The following ADAMTS12 variants were observed in gnomAD, a reference collection of about 807,000 sequenced individuals.
ADAMTS12 encodes ADAM metallopeptidase with thrombospondin type 1 motif 12, also known as A disintegrin and metalloproteinase with thrombospondin motifs 12.
Under a neutral mutation model 167.8 loss-of-function variants are expected in ADAMTS12, and 118 were observed. The observed-to-expected ratio is 0.70, with a 90% CI of 0.61 to 0.82. ADAMTS12 has a LOEUF of 0.82. Among genes scored for constraint, ADAMTS12 ranks in the 40% least tolerant of loss-of-function variants. The pLI is 0.00. For missense variants in ADAMTS12, 1,916 were observed against 1,998.8 expected, an observed-to-expected ratio of 0.96 and a Z score of 0.79; for synonymous variants, 704 against 716.9, an observed-to-expected ratio of 0.98 and a Z score of 0.29.
intron 2 of ADAMTS12, among the ~76,000 whole-genome samples, chr5:33,861,655 A>G (rs1749619737): frequency 6.6e-6 from 1 of 152,236 alleles, no homozygotes; most frequent in Admixed American, 6.5e-5. Flanking sequence ...CAGGACTTGA[A>G]CTCAGCTCTG....
intron 3 of ADAMTS12, among the ~76,000 whole-genome samples, chr5:33,748,267 A>G (rs949649288): frequency 6.6e-6 from 1 of 152,224 alleles, no homozygotes; most frequent in Non-Finnish European, 1.5e-5. Flanking sequence ...CATCGTTGAT[A>G]AAATGAGGTT....
At chr5:33,575,039 T>C (rs969964524) in intron 19 of ADAMTS12, among the ~76,000 whole-genome samples, 2 of 152,322 alleles carry the variant, frequency 1.3e-5, no homozygotes, top group African/African-American at 4.8e-5. Context: ...TAATTGGTTC[T>C]AGAAATGAAA....
In ADAMTS12 at chr5:33,667,386, C is replaced by T. The variant is rs141918415; in HGVS notation, c.916-5346G>A. On this transcript the variant is annotated intron_variant, in intron 5 of 23. Transcript: ENST00000504830. ...CACACTTGAAAGAGTAAATATACAACCTCAATAATAGGAATAATTCTGTAT... is the reference window on the plus strand; with the variant it reads ...CACACTTGAAAGAGTAAATATACAATCTCAATAATAGGAATAATTCTGTAT... Among the ~76,000 whole-genome samples the T allele has an allele frequency of 4.3e-3, 649 of 150,694 alleles. 7 individuals carry two copies. The highest frequency in any genetic ancestry group is 0.015 in the African/African-American group (629 of 40,982).
At position 33,525,682 on chromosome 5, in the gene ADAMTS12, T is replaced by C. The variant is rs1219002593; in HGVS notation, c.*1506A>G. On this transcript the variant is annotated 3_prime_UTR_variant, in exon 24 of 24. Transcript: ENST00000504830. ...GTAAAGGGAGACGTGGGATATTGTG[T>C]TCCATGAGGAGTATTAAGTGTATCT... 1.3e-5 allele frequency: 2 copies of C among 152,222 alleles called. No individual in the cohort carries two copies. Among genetic ancestry groups the C allele is most frequent in the African/African-American group, 2.4e-5 (1 of 41,460 alleles). The allele number at this position is 152,222 out of a possible 1,614,324, so 9.4% of individuals were successfully genotyped here. A position where few individuals can be genotyped will look rare whatever the true frequency, so the allele number is the denominator to read the frequency against.
At chr5:33,749,055 T>C (rs762697648) in intron 3 of ADAMTS12, among the ~76,000 whole-genome samples, 1 of 152,202 alleles carries the variant, frequency 6.6e-6, no homozygotes, top group Non-Finnish European at 1.5e-5. Flanking sequence ...AAAAGGCATG[T>C]TTCTTTTTTC....
At position 33,742,761 on chromosome 5, in the gene ADAMTS12, A is replaced by G. The variant is rs1440327842; in HGVS notation, c.634+8643T>C. Among the ~76,000 whole-genome samples, 7 of 152,228 alleles carry G rather than the reference A, an allele frequency of 4.6e-5. No homozygotes were observed. The East Asian group carries it at 1.2e-3, about 25-fold the overall frequency. On this transcript the variant is annotated intron_variant, in intron 3 of 23. Coordinates refer to ENST00000504830, the MANE Select transcript of ADAMTS12 (RefSeq NM_030955.4). ...CTATAATTCACTCATTTACTCATTC[A>G]TTCATTCATTCAACATTTACCAGAT...
At chr5:33,737,598 A>G (rs2112364448) in intron 3 of ADAMTS12, among the ~76,000 whole-genome samples, 1 of 152,340 alleles carries the variant, frequency 6.6e-6, no homozygotes, top group East Asian at 1.9e-4. Context: ...ATTTTTTAAA[A>G]AAGTCATTTA....
At chr5:33,876,917 A>G (rs1374728806) in intron 2 of ADAMTS12, among the ~76,000 whole-genome samples, 1 of 152,234 alleles carries the variant, frequency 6.6e-6, no homozygotes, top group Non-Finnish European at 1.5e-5. Context: ...ATGAATCTAC[A>G]ACTATTCCAA....
chr5:33,830,695 G>A (rs1748264991), intron 2 of ADAMTS12, among the ~76,000 whole-genome samples: 1 of 152,184 alleles, frequency 6.6e-6, no homozygotes, highest in African/African-American at 2.4e-5. Flanking sequence ...GGGAGGCTGA[G>A]ATGGGAGTGC....
intron 2 of ADAMTS12, among the ~76,000 whole-genome samples, chr5:33,833,966 A>G (rs1187351053): frequency 6.6e-6 from 1 of 152,220 alleles, no homozygotes; most frequent in Non-Finnish European, 1.5e-5. Flanking sequence ...TTATTTTCTC[A>G]CAGTTTTGGA....
chr5:33,882,875 TA>T (rs1330499701), intron 1 of ADAMTS12, among the ~76,000 whole-genome samples: 12 of 152,232 alleles, frequency 7.9e-5, no homozygotes, highest in Non-Finnish European at 1.6e-4. Context: ...TTTAGTAAGA[TA>T]AACTAATATT....
At chr5:33,651,485 G>A (rs928248695) in intron 7 of ADAMTS12, among the ~76,000 whole-genome samples, 2 of 152,112 alleles carry the variant, frequency 1.3e-5, no homozygotes, top group African/African-American at 4.8e-5. Context: ...AAACTATGAT[G>A]GGTGTCTTCT....
intron 14 of ADAMTS12, among the ~76,000 whole-genome samples, chr5:33,618,609 C>T (rs577212965): frequency 2.6e-5 from 4 of 152,192 alleles, no homozygotes; most frequent in South Asian, 2.1e-4. Flanking sequence ...GGACAGTCGT[C>T]TGGTCCTGGT....
intron 2 of ADAMTS12, among the ~76,000 whole-genome samples, chr5:33,779,257 C>G (rs1321729875): frequency 6.8e-6 from 1 of 147,558 alleles, no homozygotes; most frequent in East Asian, 2.0e-4. Context: ...ACAATCTTGG[C>G]TCACTGCAAC....
chr5:33,751,012 C>T (rs1180126679), intron 3 of ADAMTS12, among the ~76,000 whole-genome samples: 1 of 152,136 alleles, frequency 6.6e-6, no homozygotes, highest in Non-Finnish European at 1.5e-5. Context: ...ATATTCCATA[C>T]TAATGTATTA....
At chr5:33,692,553 A>G (rs1202090042) in intron 3 of ADAMTS12, among the ~76,000 whole-genome samples, 1 of 152,212 alleles carries the variant, frequency 6.6e-6, no homozygotes, top group Non-Finnish European at 1.5e-5. Context: ...TAAATAAATC[A>G]ATCTTATGTG....
chr5:33,681,541 C>A (rs1742113534), intron 5 of ADAMTS12, among the ~76,000 whole-genome samples: 1 of 152,124 alleles, frequency 6.6e-6, no homozygotes, highest in Admixed American at 6.5e-5. Flanking sequence ...GGCTTCCGCC[C>A]TCATGGAAGC....
At chr5:33,790,674 A>AGT (rs151272271) in intron 2 of ADAMTS12, among the ~76,000 whole-genome samples, 10 of 150,300 alleles carry the variant, frequency 6.7e-5, no homozygotes, top group South Asian at 2.1e-4. Flanking sequence ...GCTTTATTAA[A>AGT]GTGTGTGTGT....
intron 14 of ADAMTS12, among the ~76,000 whole-genome samples, chr5:33,623,697 T>C (rs539386261): frequency 2.6e-5 from 4 of 152,304 alleles, no homozygotes; most frequent in Middle Eastern, 3.4e-3. Flanking sequence ...CAGGGAGCAA[T>C]TGGGAATAAA....
Sources: allele counts gnomAD v4.1 joint callset (sites outside exome capture counted in the v4.1 genomes callset), GRCh38; gene constraint gnomAD v4.1.1; transcripts MANE v1.5; gene names NCBI Gene and HGNC (gene_info 2026-07-23, HGNC 2026-07-21).